Variants in GAS2L3 observed in about 807,000 individuals in gnomAD.
GAS2L3 encodes the protein growth arrest specific 2 like 3.
Under a neutral mutation model 37.0 loss-of-function variants are expected in GAS2L3, and 28 were observed. The observed-to-expected ratio is 0.76, with a 90% CI of 0.56 to 1.04. GAS2L3 has a LOEUF of 1.04. Ranked by LOEUF, GAS2L3 falls within the 50% of genes least tolerant of loss-of-function variation. The pLI, the probability that GAS2L3 is intolerant of heterozygous loss-of-function variation, is 0.00. For missense variants in GAS2L3, 793 were observed against 817.6 expected, an observed-to-expected ratio of 0.97 and a Z score of 0.37; for synonymous variants, 290 against 296.6, an observed-to-expected ratio of 0.98 and a Z score of 0.23.
chr12:100,579,764 G>T, intron 1 of GAS2L3: 1 of 719,806 alleles, frequency 1.4e-6, no homozygotes. Context: ...AGGTGCTTCC[G>T]GAAAATCTTA....
chr12:100,588,369 T>A (rs1480417789), intron 1 of GAS2L3, among the ~76,000 whole-genome samples: 1 of 152,098 alleles, frequency 6.6e-6, no homozygotes, highest in Non-Finnish European at 1.5e-5. Context: ...ACCAGCAAGT[T>A]TTTATTAAGG....
At chr12:100,621,882 G>GAGAGAGAGAGAGAGAGAGAGAGAGAGAGA (rs1490640473) in intron 8 of GAS2L3, among the ~76,000 whole-genome samples, 1 of 81,256 alleles carries the variant, frequency 1.2e-5, no homozygotes, top group East Asian at 4.4e-4. Flanking sequence ...GGTGGGGGGG[G>GAGAGAGAGAGAGAGAGAGAGAGAGAGAGA]GAGAGAGAGA....
At chr12:100,581,240 A>C (rs1396350998) in intron 1 of GAS2L3, among the ~76,000 whole-genome samples, 1 of 152,212 alleles carries the variant, frequency 6.6e-6, no homozygotes. Context: ...GTCAGTGTGC[A>C]AAAGGCTTTA....
rs771076960 is a variant in GAS2L3 at position 100,622,318 on chromosome 12, G to A, written c.692G>A (p.Arg231Gln). Residue 231 changes from arginine to glutamine, a missense_variant, in exon 9 of 10, where the codon CGA (arginine) becomes CAA (glutamine). By Grantham distance (43) the Arg-to-Gln change is conservative. Transcript: ENST00000547754. ...AEDPPCSCSH[R>Q]FSIEYLSEGR... ...GACCCTCCTTGTAGTTGTTCTCATC[G>A]ATTTTCTATTGAGTATTTATCTGAA... The A allele has an allele frequency of 3.7e-6, 6 of 1,605,762 alleles. No homozygotes were observed. The highest frequency in any genetic ancestry group is 2.7e-5 in the African/African-American group (2 of 74,640).
intron 1 of GAS2L3, among the ~76,000 whole-genome samples, chr12:100,584,728 A>G (rs1252937679): frequency 6.6e-6 from 1 of 151,132 alleles, no homozygotes; most frequent in African/African-American, 2.4e-5. Flanking sequence ...TGCTGCTGCC[A>G]TGCCCAGCTA....
chr12:100,613,908 C>A (rs1385931646), intron 6 of GAS2L3, among the ~76,000 whole-genome samples: 1 of 151,972 alleles, frequency 6.6e-6, no homozygotes, highest in African/African-American at 2.4e-5. Flanking sequence ...ATTACTATTT[C>A]TATTGAGGGA....
chr12:100,609,874 C>G (rs1407789694), intron 5 of GAS2L3, among the ~76,000 whole-genome samples: 2 of 152,180 alleles, frequency 1.3e-5, no homozygotes, highest in Admixed American at 6.5e-5. Flanking sequence ...GTGCTCTCCC[C>G]CTCCCAAATA....
intron 1 of GAS2L3, chr12:100,579,487 A>C (rs1263606795): frequency 1.3e-6 from 1 of 771,262 alleles, no homozygotes; most frequent in Non-Finnish European, 2.4e-6. Flanking sequence ...TTATACCCAA[A>C]CTCTTGTCAG....
chr12:100,605,353 T>C (rs1244928234), intron 5 of GAS2L3, among the ~76,000 whole-genome samples: 1 of 151,972 alleles, frequency 6.6e-6, no homozygotes, highest in South Asian at 2.1e-4. Context: ...TAATGTCTCC[T>C]TTTTCATCTC....
At position 100,624,213 on chromosome 12, in the gene GAS2L3, C is replaced by A. The variant is rs375736657; in HGVS notation, c.1408C>A (p.Gln470Lys). The change falls in exon 10 of 10, where the codon CAA becomes AAA. Residue 470 changes from glutamine (Q) to lysine (K), a missense_variant. By Grantham distance (53) the Gln-to-Lys change is moderately conservative. Coordinates refer to ENST00000547754, the MANE Select transcript of GAS2L3 (RefSeq NM_174942.3). ...LLPNKCSGKT[Q>K]PKYLKHNHIS... ...GCCAAATAAGTGTTCAGGAAAAACT[C>A]AACCTAAGTATTTGAAACATAATCA... The A allele has an allele frequency of 5.6e-6, 9 of 1,613,978 alleles. No homozygotes were observed. Among genetic ancestry groups the A allele is most frequent in the Admixed American group, 1.7e-5 (1 of 59,994 alleles).
At chr12:100,616,179 T>A (rs1204670833) in intron 6 of GAS2L3, among the ~76,000 whole-genome samples, 1 of 152,232 alleles carries the variant, frequency 6.6e-6, no homozygotes, top group African/African-American at 2.4e-5. Flanking sequence ...TAGTTTTCAG[T>A]GTACAAGTAT....
rs58446699 is a variant in GAS2L3 at position 100,575,476 on chromosome 12, A to ATTTTTTTT, written c.-152+1707_-152+1714dup. ...CTAAAATGTAGTTCATGTTATCTCTATTTTTTTTTTTTTTTTTTTTTTTGA... is the reference window on the plus strand; with the variant it reads ...CTAAAATGTAGTTCATGTTATCTCTATTTTTTTTTTTTTTTTTTTTTTTTTTTTTTTGA... On this transcript the variant is annotated intron_variant, in intron 1 of 9. Transcript: ENST00000547754. 7.2e-4 allele frequency among the ~76,000 whole-genome samples: 64 copies of ATTTTTTTT among 88,796 alleles called. 1 individual carries two copies. Among genetic ancestry groups the ATTTTTTTT allele is most frequent in the African/African-American group, 7.9e-4 (17 of 21,428 alleles). 58.3% of individuals were successfully genotyped at this position (88,796 alleles called of 152,430 possible).
In GAS2L3 at chr12:100,627,227, T is replaced by C. The variant is rs140889413; in HGVS notation, c.*2337T>C. On this transcript the variant is annotated 3_prime_UTR_variant, in exon 10 of 10. Transcript: ENST00000547754. ...AATGAATTTTTATTTATATATAGCT[T>C]ACCCTTCCAAAATAAAAGTGTTTTT... Among the ~76,000 whole-genome samples the C allele has an allele frequency of 5.4e-3, 823 of 152,260 alleles. 8 individuals carry two copies. The highest frequency in any genetic ancestry group is 0.019 in the African/African-American group (781 of 41,568).
At chr12:100,599,810 C>G (rs7135284) in intron 3 of GAS2L3, among the ~76,000 whole-genome samples, 2,711 of 152,322 alleles carry the variant, frequency 0.018, 91 homozygotes, top group African/African-American at 0.062. Flanking sequence ...ACTTGTTAAA[C>G]TTACTCAGCT....
intron 2 of GAS2L3, chr12:100,594,070 T>A (rs1955880340): frequency 6.6e-6 from 1 of 152,040 alleles, no homozygotes; most frequent in Non-Finnish European, 1.5e-5. Context: ...AGCTTTGTAA[T>A]TATTATATAT....
At chr12:100,617,597 A>C (rs1435596033) in intron 6 of GAS2L3, 147 bp from the exon 7 acceptor site, 2 of 603,830 alleles carry the variant, frequency 3.3e-6, no homozygotes, top group Non-Finnish European at 5.8e-6. Context: ...AAGTAGAAAA[A>C]ATAAAAGTGT....
At chr12:100,592,168 G>C (rs1418996761) in intron 2 of GAS2L3, among the ~76,000 whole-genome samples, 1 of 152,066 alleles carries the variant, frequency 6.6e-6, no homozygotes, top group Non-Finnish European at 1.5e-5. Flanking sequence ...TTCCTCCCCA[G>C]GGTCATTTTC....
chr12:100,578,890 G>A, intron 1 of GAS2L3: 1 of 837,794 alleles, frequency 1.2e-6, no homozygotes, highest in South Asian at 1.4e-5. Context: ...TGGGAGGTGT[G>A]GAAAGCCACA....
At chr12:100,581,167 C>A (rs1483185925) in intron 1 of GAS2L3, among the ~76,000 whole-genome samples, 2 of 152,184 alleles carry the variant, frequency 1.3e-5, no homozygotes, top group African/African-American at 4.8e-5. Flanking sequence ...CCAGCTGCTA[C>A]CCTGTCCTTT....
Sources: allele counts gnomAD v4.1 joint callset (sites outside exome capture counted in the v4.1 genomes callset), GRCh38; gene constraint gnomAD v4.1.1; transcripts MANE v1.5; gene names NCBI Gene and HGNC (gene_info 2026-07-23, HGNC 2026-07-21).